The following GSE1 variants were observed in gnomAD, a reference collection of about 807,000 sequenced individuals.
GSE1 encodes the protein genetic suppressor element 1.
GSE1 carries 32 observed loss-of-function variants against 112.6 expected under a neutral mutation model. That is an observed-to-expected ratio of 0.28 (90% confidence interval 0.21 to 0.38). GSE1 has a LOEUF of 0.38. Among genes scored for constraint, GSE1 ranks in the 10% least tolerant of loss-of-function variants. The pLI is 1.00. For missense variants in GSE1, 2,348 were observed against 1,699.2 expected (o/e 1.38, Z -6.71); for synonymous variants, 1,115 against 735.6 (o/e 1.52, Z -8.35).
At chr16:85,389,388 C>T (rs913501217) in intron 2 of GSE1, among the ~76,000 whole-genome samples, 10 of 131,252 alleles carry the variant, frequency 7.6e-5, no homozygotes, top group South Asian at 5.1e-4. Context: ...TGAACCCGGG[C>T]GGGGGAGGTT....
intron 1 of GSE1, among the ~76,000 whole-genome samples, chr16:85,204,486 TG>T (rs1324376161): frequency 6.6e-6 from 1 of 152,258 alleles, no homozygotes; most frequent in African/African-American, 2.4e-5. Flanking sequence ...GGAGCAGAAA[TG>T]CTGGGTCGTG....
At chr16:85,355,372 TCA>T (rs1324226437) in intron 1 of GSE1, among the ~76,000 whole-genome samples, 1 of 152,096 alleles carries the variant, frequency 6.6e-6, no homozygotes, top group East Asian at 1.9e-4. Context: ...GGGGCTTAGC[TCA>T]CAACCTCACC....
upstream of GSE1, chr16:85,555,398 GGGGGAGGGGTGTTGGTGGCGAGAGGGGGA>G (rs2045152859): frequency 3.0e-6 from 3 of 984,154 alleles, no homozygotes; most frequent in Non-Finnish European, 3.6e-6. Context: ...CAAAAAAGGG[GGGGGAGGGGTGTTGGTGGCGAGAGGGGGA>G]GGGGAGCCGG....
intron 2 of GSE1, among the ~76,000 whole-genome samples, chr16:85,508,520 C>T (rs1273933895): frequency 6.6e-6 from 1 of 152,146 alleles, no homozygotes; most frequent in African/African-American, 2.4e-5. Flanking sequence ...GGGCTGCCTG[C>T]ATGGGTGAGA....
intron 1 of GSE1, among the ~76,000 whole-genome samples, chr16:85,264,888 G>C (rs1389457712): frequency 6.6e-6 from 1 of 152,208 alleles, no homozygotes; most frequent in African/African-American, 2.4e-5. Flanking sequence ...TCCTTACAGG[G>C]GTTCCCCTAC....
rs188170527 is a variant in GSE1 at position 85,278,631 on chromosome 16, G to A, written c.2284-78832G>A. ...AAATCCCAAACCAATTCTGATACAA[G>A]TAAGTGTCTTGAATTATCAGTAAGA... is the stretch of plus-strand genomic sequence containing the variant. On this transcript the variant is annotated intron_variant, in intron 1 of 2. Transcript: ENST00000637419. Among the ~76,000 whole-genome samples the A allele has an allele frequency of 7.0e-4, 107 of 152,296 alleles. No homozygotes were observed. The South Asian group carries it at 7.9e-3, about 11-fold the overall frequency.
intron 1 of GSE1, among the ~76,000 whole-genome samples, chr16:85,313,651 G>A (rs2045912253): frequency 6.6e-6 from 1 of 152,170 alleles, no homozygotes; most frequent in Admixed American, 6.5e-5. Flanking sequence ...GGATTCTGGA[G>A]CCTGCTCAGG....
chr16:85,291,003 C>T (rs2045193908), intron 1 of GSE1, among the ~76,000 whole-genome samples: 1 of 152,248 alleles, frequency 6.6e-6, no homozygotes, highest in Non-Finnish European at 1.5e-5. Flanking sequence ...TGGGAGGGGG[C>T]TGCAGGCCTG....
At chr16:85,523,718 G>C (rs908139763) in intron 2 of GSE1, among the ~76,000 whole-genome samples, 2 of 152,224 alleles carry the variant, frequency 1.3e-5, no homozygotes, top group South Asian at 2.1e-4. Context: ...CGGCCTCCCC[G>C]AACACTGGGA....
intron 2 of GSE1, among the ~76,000 whole-genome samples, chr16:85,442,769 A>G (rs1158311650): frequency 1.3e-5 from 2 of 152,196 alleles, no homozygotes; most frequent in Admixed American, 6.5e-5. Flanking sequence ...GGCTGCAGTA[A>G]CATATTACCA....
chr16:85,491,397 G>A (rs1597935898), intron 2 of GSE1, among the ~76,000 whole-genome samples: 1 of 152,208 alleles, frequency 6.6e-6, no homozygotes, highest in East Asian at 1.9e-4. Flanking sequence ...GAGGTGGGGT[G>A]TTGGAAGATG....
In GSE1 at chr16:85,664,798, G is replaced by A. The variant is rs548901966; in HGVS notation, c.2645-217G>A. On this transcript the variant is annotated intron_variant, in intron 11 of 15. Coordinates refer to ENST00000253458, the MANE Select transcript of GSE1 (RefSeq NM_014615.5). Reference sequence around the variant, plus strand: ...CACCGCACGGACAGCTGTCTTTGGAGCACGTCTAGGACATTGTGTAGTGGA... The same window carrying A: ...CACCGCACGGACAGCTGTCTTTGGAACACGTCTAGGACATTGTGTAGTGGA... 3.7e-5 allele frequency: 19 copies of A among 511,506 alleles called. No homozygotes were observed. In the East Asian group the frequency reaches 5.8e-4, roughly 16 times the overall value. The allele number at this position is 511,506 out of a possible 1,614,324, so 31.7% of individuals were successfully genotyped here.
intron 1 of GSE1, among the ~76,000 whole-genome samples, chr16:85,587,381 C>G (rs908828062): frequency 6.6e-6 from 1 of 152,220 alleles, no homozygotes; most frequent in Non-Finnish European, 1.5e-5. Flanking sequence ...AAACCTTCCC[C>G]CGGCCCTGGC....
At chr16:85,272,754 G>A (rs980874291) in intron 1 of GSE1, among the ~76,000 whole-genome samples, 1 of 134,490 alleles carries the variant, frequency 7.4e-6, no homozygotes, top group Non-Finnish European at 1.5e-5. Flanking sequence ...TTGCTTGCTT[G>A]CTTGCTTGTT....
intron 2 of GSE1, among the ~76,000 whole-genome samples, chr16:85,452,587 C>A (rs532068295): frequency 6.6e-6 from 1 of 152,342 alleles, no homozygotes; most frequent in South Asian, 2.1e-4. Context: ...GCTGCTGCAT[C>A]TCAAAGGGCC....
intron 1 of GSE1, among the ~76,000 whole-genome samples, chr16:85,600,039 C>T (rs1463175340): frequency 3.9e-5 from 6 of 152,216 alleles, no homozygotes; most frequent in Admixed American, 6.5e-5. Context: ...TGCCTGGCTA[C>T]CCCTCTGGGT....
At position 85,528,473 on chromosome 16, in the gene GSE1, C is replaced by T. The variant is rs3934913; in HGVS notation, c.2465-105441C>T. Among the ~76,000 whole-genome samples, 222 of 141,370 alleles carry T rather than the reference C, an allele frequency of 1.6e-3. 1 individual carries two copies. The highest frequency in any genetic ancestry group is 5.8e-3 in the African/African-American group (211 of 36,412). 92.7% of individuals were successfully genotyped at this position (141,370 alleles called of 152,430 possible). A position where few individuals can be genotyped will look rare whatever the true frequency, so the allele number is the denominator to read the frequency against. ...ACTACAGGTGTGTGCACCACCACCCCCGGCTAATTTTTTTTTTTTTTTTAA... is the reference window on the plus strand; with the variant it reads ...ACTACAGGTGTGTGCACCACCACCCTCGGCTAATTTTTTTTTTTTTTTTAA... On this transcript the variant is annotated intron_variant, in intron 2 of 2. Transcript: ENST00000637419.
At chr16:85,260,092 T>C (rs1907513592) in intron 1 of GSE1, among the ~76,000 whole-genome samples, 2 of 151,992 alleles carry the variant, frequency 1.3e-5, no homozygotes, top group African/African-American at 4.8e-5. Flanking sequence ...CCACAGGACA[T>C]AGGGGGCCCT....
At chr16:85,625,049 C>G (rs1001380258) in intron 1 of GSE1, among the ~76,000 whole-genome samples, 1 of 152,188 alleles carries the variant, frequency 6.6e-6, no homozygotes, top group African/African-American at 2.4e-5. Flanking sequence ...TGGGCACCAT[C>G]TCCCAGAGTC....
Sources: allele counts gnomAD v4.1 joint callset (sites outside exome capture counted in the v4.1 genomes callset), GRCh38; gene constraint gnomAD v4.1.1; transcripts MANE v1.5; gene names NCBI Gene and HGNC (gene_info 2026-07-23, HGNC 2026-07-21).